Variants in ZNF630 observed in about 807,000 individuals in gnomAD.
ZNF630 encodes dJ54B20.2 (novel KRAB box containing C2H2 type zinc finger protein).
Under a neutral mutation model 7.2 loss-of-function variants are expected in ZNF630, and 5 were observed. The ratio of observed to expected loss-of-function variants is 0.70; its 90% confidence interval spans 0.36 to 1.46. The LOEUF is 1.46. Ranked by LOEUF, ZNF630 falls within the 40% of genes most tolerant of loss-of-function variation. ZNF630 has a pLI of 0.03. For synonymous variants in ZNF630, 158 were observed against 162.8 expected (o/e 0.97, Z 0.23); for missense variants, 461 against 477.0 (o/e 0.97, Z 0.31).
At chrX:48,068,123 A>AGAAGGCAGGAAG (rs1199572012) in intron 1 of ZNF630, among the ~76,000 whole-genome samples, 1 of 99,800 alleles carries the variant, frequency 1.0e-5, no homozygotes, top group East Asian at 3.3e-4. Context: ...AAGGCAGGAC[A>AGAAGGCAGGAAG]GAAGGCAGGA....
At position 48,059,483 on chromosome X, in the gene ZNF630, T is replaced by A. The variant is rs782209898; in HGVS notation, c.959A>T (p.Glu320Val). The change falls in exon 5 of 5, where the codon GAA (glutamate) becomes GTA (valine). Residue 320 changes from glutamate (E) to valine (V), a missense_variant. Physicochemically the swap from Glu to Val is moderately radical, Grantham distance 121 (BLOSUM62 -2). Coordinates refer to ENST00000276054, the MANE Select transcript of ZNF630 (RefSeq NM_001282201.2). ...GAATGCTCTTCCATACTTAGTACAT[T>A]CATAGGGTTTCTCCCCAGTATGAAT... ...QRIHTGEKPY[E>V]CTKYGRAFSR... 2.5e-5 allele frequency: 30 copies of A among 1,206,526 alleles called. No homozygotes were observed. The Admixed American group carries it at 2.8e-4, about 11-fold the overall frequency.
rs1381841683 is a variant in ZNF630 at position 48,058,404 on chromosome X, C to G, written c.*64G>C. ...TACAGTTGAGAAGTTGTCACTATTT[C>G]TATTCAATGTGAGTTTTCCCATAGA... On this transcript the variant is annotated 3_prime_UTR_variant, in exon 5 of 5. Coordinates refer to ENST00000276054, the MANE Select transcript of ZNF630 (RefSeq NM_001282201.2). 9.4e-7 allele frequency: 1 copy of G among 1,063,313 alleles called. No homozygotes were observed. The highest frequency in any genetic ancestry group is 1.9e-5 in the African/African-American group (1 of 52,702). The allele number at this position is 1,063,313 out of a possible 1,213,427, so 87.6% of individuals were successfully genotyped here.
intron 2 of ZNF630, chrX:48,061,703 T>A: frequency 3.3e-6 from 1 of 306,828 alleles, no homozygotes; most frequent in Non-Finnish European, 6.2e-6. Context: ...GTGAGTGAGT[T>A]CTCACAAGAT....
intron 2 of ZNF630, chrX:48,061,722 A>G: frequency 6.2e-6 from 2 of 321,164 alleles, no homozygotes; most frequent in South Asian, 5.4e-5. Context: ...ATCTAATGGT[A>G]TTATAAGCGT....
At chrX:48,069,774 C>G (rs1479956945) in intron 1 of ZNF630, among the ~76,000 whole-genome samples, 1 of 110,380 alleles carries the variant, frequency 9.1e-6, no homozygotes, top group Non-Finnish European at 1.9e-5. Flanking sequence ...GATTTTCAGG[C>G]AACACCCCTT....
rs148323369 is a variant in ZNF630, at chrX:48,060,060, A to G, written c.382T>C (p.Tyr128His). The G allele has an allele frequency of 8.4e-5, 101 of 1,202,489 alleles. No individual in the cohort carries two copies. The South Asian group carries it at 1.6e-3, about 19-fold the overall frequency. The change falls in exon 5 of 5, where the codon TAT becomes CAT. Residue 128 changes from tyrosine to histidine, a missense_variant. Physicochemically the swap from Tyr to His is moderately conservative, Grantham distance 83. Coordinates refer to ENST00000276054, the MANE Select transcript of ZNF630 (RefSeq NM_001282201.2). Reference sequence around the variant, plus strand: ...AAAACTCTGTCTTGATTTCCTTGATATCTATCCATCTGATTATCAATATGC... The same window carrying G: ...AAAACTCTGTCTTGATTTCCTTGATGTCTATCCATCTGATTATCAATATGC... ...IWHIDNQMDR[Y>H]QGNQDRVLRQ...
intron 1 of ZNF630, among the ~76,000 whole-genome samples, chrX:48,069,444 C>T (rs782540986): frequency 1.8e-5 from 2 of 110,931 alleles, no homozygotes; most frequent in Admixed American, 1.9e-4. Context: ...GCTGACAAAA[C>T]CTTATTCCTT....
rs142770752 is a variant in ZNF630 at position 48,062,190 on chromosome X, A to G, written c.16-1245T>C. 6.8e-3 allele frequency among the ~76,000 whole-genome samples: 758 copies of G among 111,849 alleles called. 18 individuals carry two copies. Among genetic ancestry groups the G allele is most frequent in the African/African-American group, 0.024 (728 of 30,635 alleles). ...ACTCAAATTGTCTGTGGTGTATGGT[A>G]TATTTTGAAGGCAATTAATTTGGCA... On this transcript the variant is annotated intron_variant, in intron 2 of 4. Transcript: ENST00000276054.
rs781924718 is a variant in ZNF630, at chrX:48,058,723, A to G, written c.1719T>C (p.Cys573=). The change falls in exon 5 of 5, where the codon TGT becomes TGC. Residue 573 remains cysteine, a synonymous_variant. Transcript: ENST00000276054. The part of the protein sequence containing the change: ...RGHTGEKPYE[C]SECGKAFCGK... ...CACAGAAGGCCTTTCCACATTCACT[A>G]CATTCATAGGGTTTCTCTCCAGTAT... 48 of 1,206,123 alleles carry G rather than the reference A, an allele frequency of 4.0e-5. No homozygotes were observed. The South Asian group carries it at 7.2e-4, about 18-fold the overall frequency.
At chrX:48,070,104 C>T (rs373578260) in intron 1 of ZNF630, among the ~76,000 whole-genome samples, 6 of 106,711 alleles carry the variant, frequency 5.6e-5, no homozygotes, top group African/African-American at 1.4e-4. Flanking sequence ...GTGATCCGGC[C>T]GCCTCGGCCT....
chrX:48,069,605 C>T (rs1219986973), intron 1 of ZNF630, among the ~76,000 whole-genome samples: 1 of 111,172 alleles, frequency 9.0e-6, no homozygotes, highest in Non-Finnish European at 1.9e-5. Flanking sequence ...TCATCCCAAG[C>T]CTCACAGGGT....
rs200113542 is a variant in ZNF630 at position 48,058,818 on chromosome X, G to T, written c.1624C>A (p.Pro542Thr). The change falls in exon 5 of 5, where the codon CCT (proline) becomes ACT (threonine). Residue 542 changes from proline to threonine, a missense_variant. Coordinates refer to ENST00000276054, the MANE Select transcript of ZNF630 (RefSeq NM_001282201.2). ...IHLRVHTGEKPYECTECGRAF... is the reference protein window; with the variant it reads ...IHLRVHTGEKTYECTECGRAF... ...CTCCCACACTCAGTACACTCATAAG[G>T]TTTCTCCCCTGTGTGAACTCTCAGA... The T allele has an allele frequency of 6.6e-6, 8 of 1,203,473 alleles. No homozygotes were observed. In the African/African-American group the frequency reaches 1.4e-4, roughly 21 times the overall value.
chrX:48,061,158 C>A (rs2059103833), intron 2 of ZNF630, among the ~76,000 whole-genome samples: 1 of 110,950 alleles, frequency 9.0e-6, no homozygotes, highest in Non-Finnish European at 1.9e-5. Flanking sequence ...ATAAAGGTAG[C>A]ATTTTAAACA....
At chrX:48,063,064 T>G (rs1297989506) in intron 2 of ZNF630, among the ~76,000 whole-genome samples, 1 of 108,025 alleles carries the variant, frequency 9.3e-6, no homozygotes, top group Non-Finnish European at 1.9e-5. Flanking sequence ...TGCCACAATA[T>G]TTAAGATACA....
intron 2 of ZNF630, among the ~76,000 whole-genome samples, chrX:48,063,768 A>G (rs1603236360): frequency 9.1e-6 from 1 of 110,352 alleles, no homozygotes; most frequent in East Asian, 2.8e-4. Context: ...GGCACTTGTA[A>G]TCCCTGCTAC....
At chrX:48,067,199 A>G (rs1283558824) in intron 1 of ZNF630, 138 bp from the exon 2 acceptor site, 1 of 272,274 alleles carries the variant, frequency 3.7e-6, no homozygotes, top group East Asian at 5.8e-5. Context: ...CAGCCCTTAA[A>G]AGCAACACTC....
intron 2 of ZNF630, among the ~76,000 whole-genome samples, chrX:48,063,291 A>G (rs782258346): frequency 6.2e-4 from 68 of 109,135 alleles, no homozygotes; most frequent in African/African-American, 2.2e-3. Context: ...AAAGTTTGCA[A>G]TGTGCACTTC....
intron 2 of ZNF630, among the ~76,000 whole-genome samples, chrX:48,065,459 G>A (rs12387847): frequency 0.025 from 1,044 of 42,586 alleles, 23 homozygotes; most frequent in African/African-American, 0.063. Flanking sequence ...GAAAGAAAGA[G>A]AGAGAGAGAG....
intron 3 of ZNF630, 57 bp downstream of exon 3, chrX:48,060,762 A>T: frequency 1.8e-6 from 2 of 1,128,756 alleles, no homozygotes; most frequent in Non-Finnish European, 2.4e-6. Context: ...TATTGACAGC[A>T]CTAAAGGAAG....
Sources: allele counts gnomAD v4.1 joint callset (sites outside exome capture counted in the v4.1 genomes callset), GRCh38; gene constraint gnomAD v4.1.1; transcripts MANE v1.5; gene names NCBI Gene and HGNC (gene_info 2026-07-23, HGNC 2026-07-21).